Variants in ALKBH1 observed in about 807,000 individuals in gnomAD.
ALKBH1 encodes alkB homolog 1, histone H2A dioxygenase.
ALKBH1 carries 31 observed loss-of-function variants against 36.6 expected under a neutral mutation model. The observed-to-expected ratio is 0.85, with a 90% confidence interval of 0.64 to 1.14. ALKBH1 has a LOEUF of 1.14. Ranked by LOEUF, ALKBH1 falls within the 50% of genes most tolerant of loss-of-function variation. ALKBH1 has a pLI of 0.00. For synonymous variants in ALKBH1, 183 were observed against 186.6 expected, an observed-to-expected ratio of 0.98 and a Z score of 0.16; for missense variants, 490 against 497.3, an observed-to-expected ratio of 0.99 and a Z score of 0.14.
At chr14:77,683,340 T>C (rs775962422) in intron 3 of ALKBH1, 1 of 739,884 alleles carries the variant, frequency 1.4e-6, no homozygotes, top group Non-Finnish European at 2.5e-6. Flanking sequence ...GTTCTTTTTC[T>C]GATCATTTTA....
At chr14:77,682,084 T>A (rs1194160650) in intron 3 of ALKBH1, among the ~76,000 whole-genome samples, 1 of 152,186 alleles carries the variant, frequency 6.6e-6, no homozygotes, top group African/African-American at 2.4e-5. Flanking sequence ...GGGGACTCCC[T>A]GACACAACAG....
At chr14:77,703,140 TC>T (rs1009625831) in intron 2 of ALKBH1, among the ~76,000 whole-genome samples, 5 of 151,758 alleles carry the variant, frequency 3.3e-5, no homozygotes, top group African/African-American at 7.3e-5. Context: ...AGTGAGACTG[TC>T]TGGGAAAAAA....
Position 77,673,907 on chromosome 14 carries a change from C to A in ALKBH1, c.1075G>T (p.Glu359Ter). ...GTACTGATGTCTCTTTTTTCATCCTCGATGGGTTCTAGAGGGAAATTCTGG... is the reference window on the plus strand; with the variant it reads ...GTACTGATGTCTCTTTTTTCATCCTAGATGGGTTCTAGAGGGAAATTCTGG... ...TDQNFPLEPI[E>*]DEKRDISTEG... Residue 359 changes from glutamate to a stop codon, truncating the protein, a stop_gained, in exon 6 of 6, where the codon GAG becomes TAG. Coordinates refer to ENST00000216489, the MANE Select transcript of ALKBH1 (RefSeq NM_006020.3). LOFTEE classifies it low-confidence loss of function (END_TRUNC). 6.2e-7 allele frequency: 1 copy of A among 1,614,084 alleles called. No individual in the cohort carries two copies. The highest frequency in any genetic ancestry group is 8.5e-7 in the Non-Finnish European group (1 of 1,180,006).
intron 3 of ALKBH1, among the ~76,000 whole-genome samples, chr14:77,687,044 T>C (rs1369849446): frequency 6.6e-6 from 1 of 152,252 alleles, no homozygotes; most frequent in African/African-American, 2.4e-5. Context: ...CCTCTTGCTA[T>C]CCTGCAAATA....
At chr14:77,683,338 T>A (rs542331539) in intron 3 of ALKBH1, 93 of 739,142 alleles carry the variant, frequency 1.3e-4, no homozygotes, top group Non-Finnish European at 1.9e-4. Flanking sequence ...GGGTTCTTTT[T>A]CTGATCATTT....
chr14:77,692,485 G>C (rs2080302640), intron 3 of ALKBH1, among the ~76,000 whole-genome samples: 1 of 152,192 alleles, frequency 6.6e-6, no homozygotes, highest in Admixed American at 6.5e-5. Context: ...TAGATCCCTT[G>C]CATGTACAGT....
chr14:77,679,431 AT>A lies in ALKBH1; in HGVS notation c.546+448del, dbSNP rs199943850. ...TTCCTCTTGAGATACCTGAGGAGAG[AT>A]TTTTTTTTTCTTTTCTGAGACAGAG... On this transcript the variant is annotated intron_variant, in intron 4 of 5. Coordinates refer to ENST00000216489, the MANE Select transcript of ALKBH1 (RefSeq NM_006020.3). Among the ~76,000 whole-genome samples the A allele has an allele frequency of 6.0e-5, 9 of 149,364 alleles. No homozygotes were observed. In the South Asian group the frequency reaches 8.6e-4, roughly 14 times the overall value.
chr14:77,679,308 T>C (rs2080223878), intron 4 of ALKBH1, among the ~76,000 whole-genome samples: 1 of 152,116 alleles, frequency 6.6e-6, no homozygotes, highest in Non-Finnish European at 1.5e-5. Context: ...TCACTAATAA[T>C]GGAAATAAAG....
intron 2 of ALKBH1, among the ~76,000 whole-genome samples, chr14:77,703,315 A>G (rs2080369913): frequency 7.0e-6 from 1 of 141,846 alleles, no homozygotes; most frequent in Non-Finnish European, 1.5e-5. Flanking sequence ...TTTTTTTGAG[A>G]TGGAGTCTTG....
At chr14:77,702,065 A>C (rs1005597590) in intron 2 of ALKBH1, among the ~76,000 whole-genome samples, 1 of 152,076 alleles carries the variant, frequency 6.6e-6, no homozygotes, top group Non-Finnish European at 1.5e-5. Flanking sequence ...CTGGGAGGTC[A>C]AGGCAGGTGG....
chr14:77,683,352 T>A (rs1595050402), intron 3 of ALKBH1: 2 of 744,216 alleles, frequency 2.7e-6, no homozygotes, highest in East Asian at 5.1e-5. Context: ...ATCATTTTAC[T>A]ACACGTTTCA....
intron 1 of ALKBH1, among the ~76,000 whole-genome samples, chr14:77,705,150 C>A (rs2080381128): frequency 6.6e-6 from 1 of 152,156 alleles, no homozygotes; most frequent in Non-Finnish European, 1.5e-5. Context: ...CGCAGTGGCT[C>A]ACGCCTGTAA....
At chr14:77,688,171 T>C (rs942975769) in intron 3 of ALKBH1, among the ~76,000 whole-genome samples, 1 of 152,220 alleles carries the variant, frequency 6.6e-6, no homozygotes, top group African/African-American at 2.4e-5. Context: ...CTTTTTATAA[T>C]TGCTTGGTAA....
intron 5 of ALKBH1, among the ~76,000 whole-genome samples, chr14:77,674,990 T>C (rs1233844569): frequency 1.3e-5 from 2 of 152,188 alleles, no homozygotes; most frequent in Non-Finnish European, 2.9e-5. Flanking sequence ...AAATTTAAAC[T>C]TACTTTTAGG....
intron 2 of ALKBH1, 31 bp from the exon 3 acceptor site, chr14:77,694,931 GA>G: frequency 1.4e-6 from 2 of 1,454,766 alleles, no homozygotes; most frequent in Non-Finnish European, 1.8e-6. Context: ...AAAAAAAGAA[GA>G]GGGGGAAATT....
At chr14:77,677,064 G>C (rs112743744) in intron 4 of ALKBH1, among the ~76,000 whole-genome samples, 19,693 of 149,188 alleles carry the variant, frequency 0.13, 1,457 homozygotes, top group Middle Eastern at 0.19. Flanking sequence ...TTTTGAGACT[G>C]AGTCTCGTTC....
intron 3 of ALKBH1, among the ~76,000 whole-genome samples, chr14:77,688,517 G>A (rs1400074451): frequency 6.7e-6 from 1 of 148,692 alleles, no homozygotes; most frequent in Non-Finnish European, 1.5e-5. Flanking sequence ...GCCTCCCAGA[G>A]TGCTGGGATT....
At chr14:77,682,425 T>C (rs561174764) in intron 3 of ALKBH1, among the ~76,000 whole-genome samples, 1 of 152,322 alleles carries the variant, frequency 6.6e-6, no homozygotes, top group African/African-American at 2.4e-5. Flanking sequence ...ATAAGCACCT[T>C]ATAGAGGTGA....
chr14:77,688,192 T>C lies in ALKBH1; in HGVS notation c.455+6546A>G, dbSNP rs2080278488. ...ATAATTGCTTGGTAACTAAGTTCTG[T>C]AGACAACATCTTTTTGAGGCCTTTA... On this transcript the variant is annotated intron_variant, in intron 3 of 5. Coordinates refer to ENST00000216489, the MANE Select transcript of ALKBH1 (RefSeq NM_006020.3). 2.6e-5 allele frequency among the ~76,000 whole-genome samples: 4 copies of C among 152,286 alleles called. No homozygotes were observed. In the South Asian group the frequency reaches 8.3e-4, roughly 32 times the overall value.
Sources: allele counts gnomAD v4.1 joint callset (sites outside exome capture counted in the v4.1 genomes callset), GRCh38; gene constraint gnomAD v4.1.1; transcripts MANE v1.5; gene names NCBI Gene and HGNC (gene_info 2026-07-23, HGNC 2026-07-21).